Variants in DDX52 observed in about 807,000 individuals in gnomAD.
DDX52 encodes the protein probable ATP-dependent RNA helicase DDX52.
In DDX52, 59 loss-of-function variants were observed where a neutral mutation model predicts 76.1. That is an observed-to-expected ratio of 0.78 (90% CI 0.63 to 0.96). The LOEUF is 0.96. Among genes scored for constraint, DDX52 ranks in the 40% least tolerant of loss-of-function variants. The probability of loss-of-function intolerance (pLI) is 0.00; values close to 1 mark genes in which losing one functional copy is unlikely to be tolerated. For synonymous variants in DDX52, 231 were observed against 244.1 expected (o/e 0.95, Z 0.50); for missense variants, 707 against 703.9 (o/e 1.00, Z -0.05).
Position 37,630,017 on chromosome 17 carries a change from C to T in DDX52, c.747+13G>A. 1 of 1,600,706 alleles carries T rather than the reference C, an allele frequency of 6.2e-7. No individual in the cohort carries two copies. The highest frequency in any genetic ancestry group is 1.4e-5 in the African/African-American group (1 of 73,974). ...AAACCAATCGCATACTCTTCAAAAG[C>T]TACAAGTCATACCTGGCTGGCAAGT... On this transcript the variant is annotated intron_variant, in intron 5 of 14. Transcript: ENST00000617633.
rs776746377 is a variant in DDX52, at chr17:37,614,364, C to A, written c.1743-11G>T. 5 of 1,604,884 alleles carry A rather than the reference C, an allele frequency of 3.1e-6. No individual in the cohort carries two copies. The highest frequency in any genetic ancestry group is 4.2e-6 in the Non-Finnish European group (5 of 1,177,504). On this transcript the variant is annotated splice_polypyrimidine_tract_variant and intron_variant, in intron 14 of 14. Coordinates refer to ENST00000617633, the MANE Select transcript of DDX52 (RefSeq NM_007010.5). ...CCAGTGACCTTTTTCCTGTAAAGAG[C>A]AAAGTAAGAAAAATTGAATAAAAAA...
rs2064335019 is a variant in DDX52 at position 37,610,936 on chromosome 17, T to G, written c.*3360A>C. ...ACTGCTTTGAAGGAGCTAAATTTAG[T>G]ATTAATACACTGACTAAGTTGATAC... On this transcript the variant is annotated 3_prime_UTR_variant, in exon 15 of 15. Coordinates refer to ENST00000617633, the MANE Select transcript of DDX52 (RefSeq NM_007010.5). 6.6e-6 allele frequency: 1 copy of G among 152,376 alleles called. No homozygotes were observed. Among genetic ancestry groups the G allele is most frequent in the Middle Eastern group, 3.4e-3 (1 of 294 alleles). 9.4% of individuals were successfully genotyped at this position (152,376 alleles called of 1,614,324 possible). A position where few individuals can be genotyped will look rare whatever the true frequency, so the allele number is the denominator to read the frequency against.
rs1309518636 is a variant in DDX52 at position 37,633,428 on chromosome 17, A to C, written c.287-10T>G. ...TCTTGGGAAGCAATTTCTAAAATAT[A>C]TTTTTAAAAAGTAAAAGATTTTAAC... On this transcript the variant is annotated splice_polypyrimidine_tract_variant and intron_variant, in intron 2 of 14. Transcript: ENST00000617633. 1 of 1,546,824 alleles carries C rather than the reference A, an allele frequency of 6.5e-7. No individual in the cohort carries two copies. Among genetic ancestry groups the C allele is most frequent in the Non-Finnish European group, 8.7e-7 (1 of 1,154,252 alleles).
intron 4 of DDX52, 43 bp downstream of exon 4, chr17:37,632,070 C>T: frequency 6.2e-7 from 1 of 1,610,934 alleles, no homozygotes; most frequent in Non-Finnish European, 8.5e-7. Flanking sequence ...AGCAAACACA[C>T]AGAGGAAGGA....
chr17:37,629,802 T>C (rs2030586806), intron 5 of DDX52, among the ~76,000 whole-genome samples: 1 of 152,206 alleles, frequency 6.6e-6, no homozygotes. Context: ...TTAAAGCATT[T>C]ACCAAAGAAG....
Position 37,642,221 on chromosome 17 carries a change from A to T in DDX52, c.175T>A (p.Cys59Ser), listed in dbSNP as rs1239552595. 8.1e-6 allele frequency: 13 copies of T among 1,613,922 alleles called. No homozygotes were observed. In the Admixed American group the frequency reaches 1.2e-4, roughly 14 times the overall value. Residue 59 changes from cysteine (C) to serine (S), a missense_variant, in exon 2 of 15, where the codon TGT becomes AGT. Physicochemically the swap from Cys to Ser is moderately radical, Grantham distance 112. Coordinates refer to ENST00000617633, the MANE Select transcript of DDX52 (RefSeq NM_007010.5). ...TTCTGATGTGTTTGTGATGCTCCAC[A>T]CACACCTGGGACAGACTTCTTGTTT... ...FGNKKSVPGV[C>S]GASQTHQKPQ...
Position 37,630,047 on chromosome 17 carries a change from G to C in DDX52, c.730C>G (p.Arg244Gly). The C allele has an allele frequency of 6.2e-7, 1 of 1,611,624 alleles. No homozygotes were observed. Among genetic ancestry groups the C allele is most frequent in the Non-Finnish European group, 8.5e-7 (1 of 1,179,378 alleles). The change falls in exon 5 of 15, where the codon CGA becomes GGA. Residue 244 changes from arginine to glycine, a missense_variant. Arg to Gly is a moderately radical substitution (Grantham distance 125). Transcript: ENST00000617633. The part of the protein sequence containing the change: ...GFRALIISPT[R>G]ELASQIHREL... ...AGTCATACCTGGCTGGCAAGTTCTC[G>C]TGTTGGTGATATAATCAGGGCTCTG...
rs372656618 is a variant in DDX52, at chr17:37,633,406, T to C, written c.299A>G (p.Gln100Arg). The C allele has an allele frequency of 1.3e-6, 2 of 1,564,206 alleles. No homozygotes were observed. The highest frequency in any genetic ancestry group is 1.3e-5 in the South Asian group (1 of 79,780). The change falls in exon 3 of 15, where the codon CAA becomes CGA. Residue 100 changes from glutamine (Q) to arginine (R), a missense_variant. Physicochemically the swap from Gln to Arg is conservative, Grantham distance 43 (BLOSUM62 1). Transcript: ENST00000617633. Reference protein sequence around the residue: ...RKTMTSEIASQEEGATIQWMS... With the variant: ...RKTMTSEIASREEGATIQWMS... Reference sequence around the variant, plus strand: ...CCACTGTATAGTAGCACCTTCTTCTTGGGAAGCAATTTCTAAAATATATTT... The same window carrying C: ...CCACTGTATAGTAGCACCTTCTTCTCGGGAAGCAATTTCTAAAATATATTT...
rs1211681411 is a variant in DDX52, at chr17:37,613,553, C to T, written c.*743G>A. On this transcript the variant is annotated 3_prime_UTR_variant, in exon 15 of 15. Transcript: ENST00000617633. ...GCACTAAGGTATTACGTATCCAATA[C>T]AAGGATACTTAATAGACCAAAGAAT... 1 of 152,124 alleles carries T rather than the reference C, an allele frequency of 6.6e-6. No homozygotes were observed. The highest frequency in any genetic ancestry group is 1.5e-5 in the Non-Finnish European group (1 of 68,028). The allele number at this position is 152,124 out of a possible 1,614,324, so 9.4% of individuals were successfully genotyped here.
chr17:37,638,128 A>G (rs1162302060), intron 2 of DDX52, among the ~76,000 whole-genome samples: 1 of 152,254 alleles, frequency 6.6e-6, no homozygotes, highest in African/African-American at 2.4e-5. Flanking sequence ...GGTCCAGTCA[A>G]AGCAAAAGTT....
chr17:37,622,816 CTT>C (rs1033754571), intron 9 of DDX52, among the ~76,000 whole-genome samples: 1 of 152,124 alleles, frequency 6.6e-6, no homozygotes, highest in African/African-American at 2.4e-5. Context: ...AAATGATTCT[CTT>C]AAGAATATTA....
chr17:37,632,012 G>A, intron 4 of DDX52, 101 bp downstream of exon 4: 2 of 1,518,814 alleles, frequency 1.3e-6, no homozygotes, highest in South Asian at 1.1e-5. Flanking sequence ...ATTTTAACAG[G>A]GGAGATAAGG....
Position 37,642,270 on chromosome 17 carries a change from C to A in DDX52, c.126G>T (p.Val42=), listed in dbSNP as rs1305191344. 2 of 1,614,094 alleles carry A rather than the reference C, an allele frequency of 1.2e-6. No homozygotes were observed. The highest frequency in any genetic ancestry group is 1.7e-6 in the Non-Finnish European group (2 of 1,180,008). The change falls in exon 2 of 15, where the codon GTG becomes GTT. Residue 42 remains valine, a synonymous_variant. Coordinates refer to ENST00000617633, the MANE Select transcript of DDX52 (RefSeq NM_007010.5). The stretch of plus-strand genomic sequence containing the variant: ...TTCCAAAAAAGTCCAGTCCCTGAAG[C>A]ACCTCCGAAGAATCAAAGTCATATT... ...KRKYDFDSSE[V]LQGLDFFGNK...
chr17:37,621,634 G>C, intron 9 of DDX52, 114 bp from the exon 10 acceptor site: 1 of 1,385,248 alleles, frequency 7.2e-7, no homozygotes, highest in Non-Finnish European at 9.5e-7. Flanking sequence ...TACTTTCTTG[G>C]CCAAATTTCT....
intron 2 of DDX52, chr17:37,639,509 G>GCT: frequency 2.1e-6 from 2 of 937,436 alleles, no homozygotes; most frequent in Non-Finnish European, 2.6e-6. Context: ...AGCCCAAGGT[G>GCT]GGTGAATCAC....
In DDX52 at chr17:37,643,398, C is replaced by G; in HGVS notation, c.23G>C (p.Arg8Pro). Reference sequence around the variant, plus strand: ...GAATTTGGCCCCCGCGCCGAGCCGGCGAAAGAGATCGTGGACGTCCATCTT... The same window carrying G: ...GAATTTGGCCCCCGCGCCGAGCCGGGGAAAGAGATCGTGGACGTCCATCTT... MDVHDLFRRLGAGAKFDT... is the reference protein window; with the variant it reads MDVHDLFPRLGAGAKFDT... Residue 8 changes from arginine to proline, a missense_variant, in exon 1 of 15, where the codon CGC (arginine) becomes CCC (proline). Physicochemically the swap from Arg to Pro is moderately radical, Grantham distance 103. Transcript: ENST00000617633. The G allele has an allele frequency of 6.2e-7, 1 of 1,613,954 alleles. No homozygotes were observed. The highest frequency in any genetic ancestry group is 8.5e-7 in the Non-Finnish European group (1 of 1,179,886).
At position 37,613,161 on chromosome 17, in the gene DDX52, A is replaced by T. The variant is rs921502331; in HGVS notation, c.*1135T>A. 2.0e-5 allele frequency: 3 copies of T among 152,242 alleles called. No individual in the cohort carries two copies. Among genetic ancestry groups the T allele is most frequent in the Admixed American group, 6.5e-5 (1 of 15,286 alleles). 9.4% of individuals were successfully genotyped at this position (152,242 alleles called of 1,614,324 possible). On this transcript the variant is annotated 3_prime_UTR_variant, in exon 15 of 15. Coordinates refer to ENST00000617633, the MANE Select transcript of DDX52 (RefSeq NM_007010.5). Reference sequence around the variant, plus strand: ...ATAGTTCTGTGGTAGTACTGATAACATTCAAGTCATTCTTAGGCACCAGTC... The same window carrying T: ...ATAGTTCTGTGGTAGTACTGATAACTTTCAAGTCATTCTTAGGCACCAGTC...
chr17:37,621,357 AAGT>A (rs777149542), intron 10 of DDX52, 38 bp downstream of exon 10: 4 of 1,598,474 alleles, frequency 2.5e-6, no homozygotes, highest in Non-Finnish European at 3.4e-6. Context: ...GTTTAAAATC[AAGT>A]AGTTCTTCTG....
At chr17:37,628,757 T>G (rs2030520514) in intron 5 of DDX52, 85 bp from the exon 6 acceptor site, 1 of 944,148 alleles carries the variant, frequency 1.1e-6, no homozygotes, top group Admixed American at 2.8e-5. Flanking sequence ...GAAATAAATC[T>G]ATTACCAACC....
Sources: gnomAD v4.1 joint callset for allele counts (sites outside exome capture counted in the v4.1 genomes callset) on GRCh38, gnomAD v4.1.1 for gene constraint, MANE v1.5 for transcripts, NCBI Gene and HGNC (gene_info 2026-07-23, HGNC 2026-07-21) for gene names.